Variants in KMT2C observed in about 807,000 individuals in gnomAD.
KMT2C encodes histone-lysine N-methyltransferase 2C.
In KMT2C, 88 loss-of-function variants were observed where a neutral mutation model predicts 507.9. The observed-to-expected ratio is 0.17, with a 90% CI of 0.15 to 0.21. The LOEUF is 0.21. Among genes scored for constraint, KMT2C ranks in the 10% least tolerant of loss-of-function variants. KMT2C has a pLI of 1.00. For missense variants in KMT2C, 4,954 were observed against 5,957.8 expected, an observed-to-expected ratio of 0.83 and a Z score of 5.55; for synonymous variants, 2,049 against 2,080.8, an observed-to-expected ratio of 0.98 and a Z score of 0.42.
intron 7 of KMT2C, among the ~76,000 whole-genome samples, chr7:152,272,623 A>G (rs539112922): frequency 5.3e-4 from 80 of 152,318 alleles, no homozygotes; most frequent in Non-Finnish European, 6.2e-4. Context: ...ACGCATTTTA[A>G]AACTTTAAAT....
intron 6 of KMT2C, among the ~76,000 whole-genome samples, chr7:152,277,134 G>A (rs1445419760): frequency 6.6e-6 from 1 of 152,174 alleles, no homozygotes; most frequent in Non-Finnish European, 1.5e-5. Flanking sequence ...ATATTCCACA[G>A]TTCATTTAAT....
Position 152,433,040 on chromosome 7 carries a change from C to G in KMT2C, c.161+2586G>C, listed in dbSNP as rs146510204. Among the ~76,000 whole-genome samples, 12 of 151,878 alleles carry G rather than the reference C, an allele frequency of 7.9e-5. No homozygotes were observed. In the East Asian group the frequency reaches 2.1e-3, roughly 27 times the overall value. On this transcript the variant is annotated intron_variant, in intron 1 of 58. Coordinates refer to ENST00000262189, the MANE Select transcript of KMT2C (RefSeq NM_170606.3). ...GCGCACACCTGTAATCCCAGCTACT[C>G]TGGAGGCTGAGGAAGGAGAATCGCT...
chr7:152,430,007 A>C (rs1225477137), intron 1 of KMT2C, among the ~76,000 whole-genome samples: 4 of 151,634 alleles, frequency 2.6e-5, no homozygotes, highest in Admixed American at 2.6e-4. Context: ...GTGAACACCC[A>C]TCTCTACTAA....
intron 33 of KMT2C, 41 bp downstream of exon 33, chr7:152,187,221 G>A: frequency 2.0e-6 from 3 of 1,525,256 alleles, no homozygotes; most frequent in South Asian, 1.1e-5. Flanking sequence ...TTGCACATGT[G>A]AAAATGTTGG....
chr7:152,369,885 A>AAG (rs138595188), intron 1 of KMT2C, among the ~76,000 whole-genome samples: 21,555 of 152,086 alleles, frequency 0.14, 4,005 homozygotes, highest in African/African-American at 0.43. Context: ...ACAGGAATGA[A>AAG]AGGGGATTTC....
intron 1 of KMT2C, among the ~76,000 whole-genome samples, chr7:152,423,873 T>G (rs796563138): frequency 5.3e-5 from 8 of 152,288 alleles, no homozygotes; most frequent in African/African-American, 1.9e-4. Context: ...AAATAAACTA[T>G]ATCCTTTTTA....
chr7:152,233,884 C>T (rs1447172996), intron 16 of KMT2C, among the ~76,000 whole-genome samples: 1 of 152,214 alleles, frequency 6.6e-6, no homozygotes, highest in East Asian at 1.9e-4. Flanking sequence ...GGTGGCTCAT[C>T]CCGTAATCCC....
chr7:152,230,449 A>G, intron 16 of KMT2C, 128 bp from the exon 17 acceptor site: 3 of 482,036 alleles, frequency 6.2e-6, no homozygotes, highest in South Asian at 4.0e-5. Context: ...ACAATTCCAA[A>G]TATTAATGCT....
Position 152,358,677 on chromosome 7 carries a change from T to C in KMT2C, c.162-2A>G, listed in dbSNP as rs1359208225. 6.5e-7 allele frequency: 1 copy of C among 1,544,910 alleles called. No homozygotes were observed. Among genetic ancestry groups the C allele is most frequent in the Non-Finnish European group, 8.8e-7 (1 of 1,133,830 alleles). On this transcript the variant is annotated splice_acceptor_variant, in intron 1 of 58. Coordinates refer to ENST00000262189, the MANE Select transcript of KMT2C (RefSeq NM_170606.3). LOFTEE classifies it high-confidence loss of function. ...GCAGTTTTCCCCCTACTTCGAGGTC[T>C]ACAGAAAAAAAAAAAAATAATAAGT...
In KMT2C at chr7:152,187,185, T is replaced by C. The variant is rs111734304; in HGVS notation, c.5008+77A>G. 2,416 of 1,149,860 alleles carry C rather than the reference T, an allele frequency of 2.1e-3. 39 individuals are homozygous for C. The African/African-American group carries it at 0.034, about 16-fold the overall frequency. The allele number at this position is 1,149,860 out of a possible 1,614,324, so 71.2% of individuals were successfully genotyped here. The stretch of plus-strand genomic sequence containing the variant: ...ACAAAAATTAGTTAAGCTACCTTTC[T>C]ATTGCAGTTAAAAAAAAAAAAGGTA... On this transcript the variant is annotated intron_variant, in intron 33 of 58. Coordinates refer to ENST00000262189, the MANE Select transcript of KMT2C (RefSeq NM_170606.3).
intron 23 of KMT2C, among the ~76,000 whole-genome samples, chr7:152,217,666 A>T (rs566825089): frequency 3.3e-5 from 5 of 152,318 alleles, no homozygotes; most frequent in Admixed American, 6.5e-5. Context: ...CGTAAATTTT[A>T]AAAAAGCAAG....
In KMT2C at chr7:152,362,469, G is replaced by A. The variant is rs532857013; in HGVS notation, c.162-3794C>T. 1.6e-3 allele frequency among the ~76,000 whole-genome samples: 249 copies of A among 152,150 alleles called. 4 individuals carry two copies. In the Middle Eastern group the frequency reaches 0.02, roughly 12 times the overall value. ...GGGGACTGGGAGACTAGAAATCCTC[G>A]AAACAATCCCAACATGGCTGCTTCA... is the stretch of plus-strand genomic sequence containing the variant. On this transcript the variant is annotated intron_variant, in intron 1 of 58. Coordinates refer to ENST00000262189, the MANE Select transcript of KMT2C (RefSeq NM_170606.3).
intron 8 of KMT2C, 119 bp downstream of exon 8, chr7:152,264,919 A>G: frequency 3.2e-6 from 4 of 1,240,398 alleles, no homozygotes; most frequent in East Asian, 5.8e-5. Flanking sequence ...TGATGAAGTC[A>G]CTGAATGAAT....
chr7:152,425,055 A>G (rs1040158429), intron 1 of KMT2C, among the ~76,000 whole-genome samples: 2 of 152,198 alleles, frequency 1.3e-5, no homozygotes, highest in Non-Finnish European at 2.9e-5. Context: ...ATACAATAGC[A>G]TGAATACCCA....
chr7:152,144,349 G>T lies in KMT2C; in HGVS notation c.14343+364C>A, dbSNP rs777993147. ...AAAAGATAAGGTAACTTCCAAAATT[G>T]GTGTACCTTTGGAAAATATTTTCAT... On this transcript the variant is annotated intron_variant, in intron 55 of 58. Transcript: ENST00000262189. The surrounding 1 kb of genome is among the most constrained non-coding windows in gnomAD (Gnocchi z 4.4). 6.6e-6 allele frequency among the ~76,000 whole-genome samples: 1 copy of T among 152,148 alleles called. No individual in the cohort carries two copies. Among genetic ancestry groups the T allele is most frequent in the Non-Finnish European group, 1.5e-5 (1 of 68,022 alleles).
intron 1 of KMT2C, among the ~76,000 whole-genome samples, chr7:152,421,266 G>A (rs539237199): frequency 3.2e-4 from 48 of 152,292 alleles, no homozygotes; most frequent in African/African-American, 1.2e-3. Context: ...CAAGGTTGTA[G>A]AGAAAAGGGA....
At chr7:152,201,996 T>C (rs1056125580) in intron 26 of KMT2C, among the ~76,000 whole-genome samples, 5 of 151,974 alleles carry the variant, frequency 3.3e-5, no homozygotes, top group Admixed American at 1.3e-4. Flanking sequence ...AAAAAGAAAA[T>C]TGAGGAAGTT....
At position 152,309,960 on chromosome 7, in the gene KMT2C, A is replaced by G. The variant is rs1459055312; in HGVS notation, c.849+6T>C. The G allele has an allele frequency of 8.5e-6, 13 of 1,535,444 alleles. No homozygotes were observed. The highest frequency in any genetic ancestry group is 6.8e-5 in the Admixed American group (4 of 59,166). On this transcript the variant is annotated splice_donor_region_variant and intron_variant, in intron 6 of 58. Transcript: ENST00000262189. ...TATGATTTAAATATTTGCTTTGTCTACTTACTTCTGTGCTCCCTGAGACAA... is the reference window on the plus strand; with the variant it reads ...TATGATTTAAATATTTGCTTTGTCTGCTTACTTCTGTGCTCCCTGAGACAA...
At chr7:152,232,005 G>A (rs935771493) in intron 16 of KMT2C, among the ~76,000 whole-genome samples, 2 of 151,796 alleles carry the variant, frequency 1.3e-5, no homozygotes, top group Non-Finnish European at 2.9e-5. Context: ...TCAGCCTCCC[G>A]AGTAGCTGGG....
Sources: gnomAD v4.1 joint callset for allele counts (sites outside exome capture counted in the v4.1 genomes callset) on GRCh38, gnomAD v4.1.1 for gene constraint, Gnocchi (gnomAD v3.1) non-coding constraint, MANE v1.5 for transcripts, NCBI Gene and HGNC (gene_info 2026-07-23, HGNC 2026-07-21) for gene names.